Variants in HDHD2 observed in about 807,000 individuals in gnomAD.
The protein encoded by HDHD2 is haloacid dehalogenase like hydrolase domain containing 2.
A neutral mutation model predicts 24.8 loss-of-function variants in HDHD2; 26 were observed. That is an observed-to-expected ratio of 1.05 (90% confidence interval 0.77 to 1.45). The LOEUF is 1.45. Among genes scored for constraint, HDHD2 ranks in the 40% most tolerant of loss-of-function variants. The pLI, the probability that HDHD2 is intolerant of heterozygous loss-of-function variation, is 0.00. For missense variants in HDHD2, 299 were observed against 313.4 expected, an observed-to-expected ratio of 0.95 and a Z score of 0.35; for synonymous variants, 128 against 114.9, an observed-to-expected ratio of 1.11 and a Z score of -0.73.
chr18:47,112,523 G>GA (rs2063523678), intron 6 of HDHD2, among the ~76,000 whole-genome samples: 2 of 152,180 alleles, frequency 1.3e-5, no homozygotes, highest in South Asian at 4.1e-4. Context: ...TAAGTAAAGA[G>GA]AAAAAAGAGT....
chr18:47,132,906 G>C (rs1327836829), intron 3 of HDHD2, among the ~76,000 whole-genome samples: 1 of 152,088 alleles, frequency 6.6e-6, no homozygotes, highest in South Asian at 2.1e-4. Flanking sequence ...AAGAGGTCCT[G>C]GTGTATCTCA....
intron 4 of HDHD2, among the ~76,000 whole-genome samples, chr18:47,118,943 A>G (rs72905471): frequency 0.026 from 3,994 of 152,334 alleles, 59 homozygotes; most frequent in Non-Finnish European, 0.04. Context: ...GCTGCAGACC[A>G]TTGCAATACA....
intron 5 of HDHD2, among the ~76,000 whole-genome samples, chr18:47,113,982 G>GC (rs951914943): frequency 1.3e-5 from 2 of 152,110 alleles, no homozygotes; most frequent in Non-Finnish European, 2.9e-5. Context: ...GTAACCAACA[G>GC]CCCCCCATGC....
intron 4 of HDHD2, among the ~76,000 whole-genome samples, chr18:47,126,023 C>G (rs958281923): frequency 1.3e-5 from 2 of 152,156 alleles, no homozygotes; most frequent in Non-Finnish European, 2.9e-5. Context: ...AATTCTGTAT[C>G]CTATGATTTT....
At chr18:47,136,027 T>G (rs1441294271) in intron 2 of HDHD2, among the ~76,000 whole-genome samples, 6 of 152,224 alleles carry the variant, frequency 3.9e-5, no homozygotes, top group Non-Finnish European at 8.8e-5. Context: ...CATTTGTGAT[T>G]TTTTCCAATG....
At chr18:47,108,923 C>G (rs1053643936) in intron 6 of HDHD2, 138 bp from the exon 7 acceptor site, 2 of 597,572 alleles carry the variant, frequency 3.3e-6, no homozygotes, top group African/African-American at 3.8e-5. Context: ...CCCAAATCAC[C>G]TTTTATTGAG....
Position 47,136,358 on chromosome 18 carries a change from C to T in HDHD2, c.82G>A (p.Ala28Thr), listed in dbSNP as rs142900978. ...LHIEDAAVPG[A>T]QEALKRLRGA... Reference sequence around the variant, plus strand: ...GCTTGCCTTTTAAGAGCTTCCTGTGCGCCTGGCACAGCTGCATCTTCAATG... The same window carrying T: ...GCTTGCCTTTTAAGAGCTTCCTGTGTGCCTGGCACAGCTGCATCTTCAATG... The change falls in exon 2 of 7, where the codon GCA becomes ACA. Residue 28 changes from alanine to threonine, a missense_variant. Coordinates refer to ENST00000300605, the MANE Select transcript of HDHD2 (RefSeq NM_032124.5). 52 of 1,613,422 alleles carry T rather than the reference C, an allele frequency of 3.2e-5. No individual in the cohort carries two copies. The highest frequency in any genetic ancestry group is 6.7e-5 in the African/African-American group (5 of 74,930).
At chr18:47,116,238 A>AT (rs2144291613) in intron 4 of HDHD2, among the ~76,000 whole-genome samples, 1 of 152,314 alleles carries the variant, frequency 6.6e-6, no homozygotes, top group Non-Finnish European at 1.5e-5. Context: ...TTATCATCTA[A>AT]TAGCATGCGG....
At chr18:47,121,601 T>C (rs1330623518) in intron 4 of HDHD2, among the ~76,000 whole-genome samples, 2 of 152,210 alleles carry the variant, frequency 1.3e-5, no homozygotes, top group African/African-American at 4.8e-5. Flanking sequence ...AAAGTGCAAA[T>C]AGATGTGATC....
chr18:47,114,421 G>A (rs2063540475), intron 5 of HDHD2, among the ~76,000 whole-genome samples: 1 of 152,192 alleles, frequency 6.6e-6, no homozygotes, highest in South Asian at 2.1e-4. Context: ...CCAGACATTT[G>A]TGACGATCCC....
chr18:47,136,062 T>C (rs1290032781), intron 2 of HDHD2, among the ~76,000 whole-genome samples: 3 of 152,236 alleles, frequency 2.0e-5, no homozygotes, highest in Non-Finnish European at 2.9e-5. Context: ...TTGTAGACTC[T>C]TGAGTTGTCA....
intron 4 of HDHD2, among the ~76,000 whole-genome samples, chr18:47,121,407 C>T (rs2063605827): frequency 6.6e-6 from 1 of 152,130 alleles, no homozygotes; most frequent in Admixed American, 6.5e-5. Flanking sequence ...CAATTTCTCC[C>T]ACCACCTCCA....
At chr18:47,111,846 C>T (rs1295952712) in intron 6 of HDHD2, 5 of 980,392 alleles carry the variant, frequency 5.1e-6, no homozygotes, top group East Asian at 1.1e-4. Flanking sequence ...ACATCATAGT[C>T]ACTTTTTCTA....
intron 4 of HDHD2, among the ~76,000 whole-genome samples, chr18:47,124,722 A>C (rs1341030807): frequency 1.3e-5 from 2 of 151,464 alleles, no homozygotes; most frequent in African/African-American, 4.8e-5. Context: ...AAAAAAAAAA[A>C]AAAAAACAAC....
chr18:47,133,046 G>A (rs958724885), intron 3 of HDHD2, among the ~76,000 whole-genome samples: 1 of 152,064 alleles, frequency 6.6e-6, no homozygotes, highest in African/African-American at 2.4e-5. Context: ...TGCTCAACAT[G>A]CAGGTTTGTT....
In HDHD2 at chr18:47,135,944, T is replaced by C. The variant is rs182229586; in HGVS notation, c.101+395A>G. Among the ~76,000 whole-genome samples the C allele has an allele frequency of 7.0e-4, 106 of 152,350 alleles. 1 individual carries two copies. Among genetic ancestry groups the C allele is most frequent in the African/African-American group, 2.5e-3 (102 of 41,586 alleles). ...ATTTGAGCAGTTGCACAATCGATGT[T>C]AGATCCTAGGTAAAACAAGAAAGAG... On this transcript the variant is annotated intron_variant, in intron 2 of 6. Coordinates refer to ENST00000300605, the MANE Select transcript of HDHD2 (RefSeq NM_032124.5).
chr18:47,133,807 G>A (rs961807965), intron 3 of HDHD2, among the ~76,000 whole-genome samples: 4 of 152,074 alleles, frequency 2.6e-5, no homozygotes, highest in East Asian at 3.9e-4. Flanking sequence ...CATATCCTCC[G>A]CCCACTTTTT....
At chr18:47,144,462 C>T (rs2144389953) in intron 1 of HDHD2, among the ~76,000 whole-genome samples, 1 of 152,234 alleles carries the variant, frequency 6.6e-6, no homozygotes, top group African/African-American at 2.4e-5. Context: ...GAATTTGGAA[C>T]CATAAACCAG....
intron 4 of HDHD2, among the ~76,000 whole-genome samples, chr18:47,120,108 C>T (rs1000079178): frequency 1.3e-5 from 2 of 152,220 alleles, no homozygotes; most frequent in African/African-American, 4.8e-5. Flanking sequence ...AAGTCACCAG[C>T]TGCATTAGCC....
Sources: gnomAD v4.1 joint callset for allele counts (sites outside exome capture counted in the v4.1 genomes callset) on GRCh38, gnomAD v4.1.1 for gene constraint, MANE v1.5 for transcripts, NCBI Gene and HGNC (gene_info 2026-07-23, HGNC 2026-07-21) for gene names.